The following WDR82 variants were observed in gnomAD, a reference collection of about 807,000 sequenced individuals.
WDR82 encodes the protein WD repeat-containing protein 82.
WDR82 carries 8 observed loss-of-function variants against 36.1 expected under a neutral mutation model. The observed-to-expected ratio is 0.22, with a 90% confidence interval of 0.13 to 0.40. The LOEUF (loss-of-function observed/expected upper bound fraction) is 0.40, where lower values mean the gene tolerates loss of function less well. WDR82 is among the 10% of genes least tolerant of loss of function. The pLI is 1.00. For synonymous variants in WDR82, 129 were observed against 137.8 expected (o/e 0.94, Z 0.45); for missense variants, 185 against 400.5 (o/e 0.46, Z 4.59).
intron 1 of WDR82, among the ~76,000 whole-genome samples, chr3:52,276,989 AAAG>A (rs982690069): frequency 1.3e-5 from 2 of 151,424 alleles, no homozygotes; most frequent in Non-Finnish European, 2.9e-5. Context: ...ATATGTTCCA[AAAG>A]AAGGACACCA....
chr3:52,271,740 C>A lies in WDR82; in HGVS notation c.162-931G>T, dbSNP rs369555775. ...CTTGCTGAGCCTTTTAGAAGGCAAG[C>A]CTAACTTTCTCTAGCAAAACCAGTT... On this transcript the variant is annotated intron_variant, in intron 1 of 8. Coordinates refer to ENST00000296490, the MANE Select transcript of WDR82 (RefSeq NM_025222.4). 1.3e-3 allele frequency among the ~76,000 whole-genome samples: 193 copies of A among 152,302 alleles called. 4 individuals are homozygous for A. The South Asian group carries it at 0.039, about 31-fold the overall frequency.
intron 1 of WDR82, among the ~76,000 whole-genome samples, chr3:52,271,492 C>G (rs1700153494): frequency 6.6e-6 from 1 of 152,092 alleles, no homozygotes; most frequent in African/African-American, 2.4e-5. Context: ...GCACACAAAA[C>G]AAGTCTTAAC....
At chr3:52,262,151 G>A (rs1371076542) in intron 3 of WDR82, among the ~76,000 whole-genome samples, 1 of 152,162 alleles carries the variant, frequency 6.6e-6, no homozygotes, top group Non-Finnish European at 1.5e-5. Flanking sequence ...AAGAAGCCAG[G>A]CACAAAAGAT....
At chr3:52,267,910 G>A (rs915685253) in intron 2 of WDR82, 1 of 156,404 alleles carries the variant, frequency 6.4e-6, no homozygotes, top group Non-Finnish European at 1.4e-5. Flanking sequence ...GTACCAAAAT[G>A]CAGAAAGAAA....
At chr3:52,262,617 G>A (rs369804652) in intron 3 of WDR82, among the ~76,000 whole-genome samples, 1 of 152,276 alleles carries the variant, frequency 6.6e-6, no homozygotes, top group South Asian at 2.1e-4. Flanking sequence ...TGAGGCTGCT[G>A]TTTTGGGCAC....
chr3:52,277,065 A>G (rs1207708730), intron 1 of WDR82, among the ~76,000 whole-genome samples: 1 of 141,022 alleles, frequency 7.1e-6, no homozygotes, highest in Non-Finnish European at 1.5e-5. Context: ...CCAAGATCTC[A>G]AATAATAATA....
intron 3 of WDR82, among the ~76,000 whole-genome samples, chr3:52,262,176 T>C (rs962509861): frequency 3.9e-5 from 6 of 152,228 alleles, no homozygotes; most frequent in Non-Finnish European, 8.8e-5. Context: ...TATGAACTGA[T>C]CCATTTACAC....
intron 3 of WDR82, among the ~76,000 whole-genome samples, chr3:52,263,662 TAACAACTCACTGAATATGATGGCAGGGGA>T (rs1259851216): frequency 6.6e-6 from 1 of 152,114 alleles, no homozygotes; most frequent in Admixed American, 6.6e-5. Flanking sequence ...CTAAATAGTT[TAACAACTCACTGAATATGATGGCAGGGGA>T]AAAAGAGTGA....
At chr3:52,277,065 A>T (rs1207708730) in intron 1 of WDR82, among the ~76,000 whole-genome samples, 3 of 141,022 alleles carry the variant, frequency 2.1e-5, no homozygotes, top group South Asian at 4.5e-4. Context: ...CCAAGATCTC[A>T]AATAATAATA....
At chr3:52,259,140 C>A in intron 7 of WDR82, 57 bp downstream of exon 7, 1 of 1,476,846 alleles carries the variant, frequency 6.8e-7, no homozygotes, top group Admixed American at 2.0e-5. Flanking sequence ...ATAATTTAAA[C>A]AAAGAAATGC....
Position 52,257,232 on chromosome 3 carries a change from TC to T in WDR82, c.*257del. On this transcript the variant is annotated 3_prime_UTR_variant, in exon 9 of 9. Transcript: ENST00000296490. ...ACCAAATCGTGAGTCTGGTCACTCC[TC>T]CAGCAGAGCTTGGTGCAGTGACAGT... 1.8e-6 allele frequency: 1 copy of T among 555,984 alleles called. No individual in the cohort carries two copies. The highest frequency in any genetic ancestry group is 3.1e-5 in the East Asian group (1 of 32,510). The allele number at this position is 555,984 out of a possible 1,614,324, so 34.4% of individuals were successfully genotyped here.
At chr3:52,261,553 T>C in intron 3 of WDR82, 74 bp from the exon 4 acceptor site, 1 of 1,315,490 alleles carries the variant, frequency 7.6e-7, no homozygotes, top group Non-Finnish European at 1.1e-6. Flanking sequence ...TAAACCACTC[T>C]GCCTATCTAT....
chr3:52,277,872 GA>G (rs1427945221), intron 1 of WDR82, among the ~76,000 whole-genome samples: 3 of 152,238 alleles, frequency 2.0e-5, no homozygotes, highest in Admixed American at 2.0e-4. Context: ...CTGAGGAGCT[GA>G]AAACGCTACC....
chr3:52,268,700 C>A, intron 2 of WDR82, among the ~76,000 whole-genome samples: 1 of 148,622 alleles, frequency 6.7e-6, no homozygotes, highest in Admixed American at 6.7e-5. Flanking sequence ...AACTAAAAAT[C>A]AATACAGGCA....
chr3:52,268,310 G>A (rs1334280620), intron 2 of WDR82: 2 of 472,052 alleles, frequency 4.2e-6, no homozygotes, highest in Non-Finnish European at 8.8e-6. Context: ...GTTATCTCCT[G>A]TACCGGGTGG....
intron 3 of WDR82, among the ~76,000 whole-genome samples, chr3:52,263,779 C>T (rs988129437): frequency 4.0e-5 from 6 of 151,704 alleles, no homozygotes; most frequent in Non-Finnish European, 5.9e-5. Context: ...AGAAGCTGGC[C>T]CAAAAAAGGT....
chr3:52,260,203 C>T (rs929504145), intron 5 of WDR82, among the ~76,000 whole-genome samples, 182 bp downstream of exon 5: 11 of 152,232 alleles, frequency 7.2e-5, no homozygotes, highest in South Asian at 2.1e-4. Flanking sequence ...GTGGCGGACA[C>T]GTGTAATCCC....
chr3:52,254,966 G>A lies in WDR82; in HGVS notation c.*2524C>T, dbSNP rs1291426867. On this transcript the variant is annotated 3_prime_UTR_variant, in exon 9 of 9. Transcript: ENST00000296490. Reference sequence around the variant, plus strand: ...TTTTTTTTTTTTTTTTTTTGAGACGGAGTTTTGCTGTTGTTGCCCAGGCCG... The same window carrying A: ...TTTTTTTTTTTTTTTTTTTGAGACGAAGTTTTGCTGTTGTTGCCCAGGCCG... 4 of 149,556 alleles carry A rather than the reference G, an allele frequency of 2.7e-5. No individual in the cohort carries two copies. Among genetic ancestry groups the A allele is most frequent in the Admixed American group, 2.6e-4 (4 of 15,096 alleles). 9.3% of individuals were successfully genotyped at this position (149,556 alleles called of 1,614,324 possible). A position where few individuals can be genotyped will look rare whatever the true frequency, so the allele number is the denominator to read the frequency against.
chr3:52,278,177 G>A, intron 1 of WDR82, 24 bp downstream of exon 1: 1 of 1,579,656 alleles, frequency 6.3e-7, no homozygotes, highest in Non-Finnish European at 8.6e-7. Flanking sequence ...TGAGACTCGG[G>A]CCCAGGGCCT....
Sources: gnomAD v4.1 joint callset for allele counts (sites outside exome capture counted in the v4.1 genomes callset) on GRCh38, gnomAD v4.1.1 for gene constraint, MANE v1.5 for transcripts, NCBI Gene and HGNC (gene_info 2026-07-23, HGNC 2026-07-21) for gene names.